Variants in KY observed in about 807,000 individuals in gnomAD.
The protein encoded by KY is kyphoscoliosis peptidase.
A neutral mutation model predicts 76.1 loss-of-function variants in KY; 43 were observed. That is an observed-to-expected ratio of 0.57 (90% confidence interval 0.44 to 0.73). The LOEUF is 0.73. Among genes scored for constraint, KY ranks in the 30% least tolerant of loss-of-function variants. The pLI is 0.00. For synonymous variants in KY, 277 were observed against 326.2 expected, an observed-to-expected ratio of 0.85 and a Z score of 1.63; for missense variants, 722 against 828.9, an observed-to-expected ratio of 0.87 and a Z score of 1.58.
intron 3 of KY, among the ~76,000 whole-genome samples, chr3:134,635,658 G>A (rs952589366): frequency 5.3e-5 from 8 of 152,144 alleles, no homozygotes; most frequent in Non-Finnish European, 1.5e-5. Flanking sequence ...AACCACCATA[G>A]TGGTGGTTTC....
In KY at chr3:134,603,430, C is replaced by T; in HGVS notation, c.*149G>A. On this transcript the variant is annotated 3_prime_UTR_variant, in exon 11 of 11. Transcript: ENST00000423778. The stretch of plus-strand genomic sequence containing the variant: ...CCTTCAGAACACAAAGATCACAGCT[C>T]CTGTGGCAGAGGTGGGACACTGAGG... 4 of 687,088 alleles carry T rather than the reference C, an allele frequency of 5.8e-6. No homozygotes were observed. The highest frequency in any genetic ancestry group is 9.6e-6 in the Non-Finnish European group (4 of 414,534). The allele number at this position is 687,088 out of a possible 1,614,324, so 42.6% of individuals were successfully genotyped here. A position where few individuals can be genotyped will look rare whatever the true frequency, so the allele number is the denominator to read the frequency against.
At chr3:134,650,784 G>T (rs1405220188) in intron 1 of KY, 41 bp downstream of exon 1, 1 of 1,520,994 alleles carries the variant, frequency 6.6e-7, no homozygotes, top group Non-Finnish European at 8.8e-7. Context: ...AGGAGGCCAA[G>T]GTGCCGGGGG....
At chr3:134,644,132 C>G (rs1435957110) in intron 2 of KY, among the ~76,000 whole-genome samples, 1 of 152,162 alleles carries the variant, frequency 6.6e-6, no homozygotes, top group Non-Finnish European at 1.5e-5. Context: ...GCCGAGCCTC[C>G]TGCTTCTTAA....
chr3:134,609,880 A>G (rs1960053881), intron 9 of KY, among the ~76,000 whole-genome samples: 1 of 152,214 alleles, frequency 6.6e-6, no homozygotes, highest in South Asian at 2.1e-4. Flanking sequence ...GCCAACAACT[A>G]AAGAAGGCTA....
chr3:134,627,899 T>C, intron 4 of KY, 81 bp from the exon 5 acceptor site: 1 of 1,133,852 alleles, frequency 8.8e-7, no homozygotes, highest in South Asian at 1.3e-5. Context: ...CTTCTGGTGG[T>C]CCTTGCTTTT....
At chr3:134,648,799 C>T (rs1577853061) in intron 1 of KY, among the ~76,000 whole-genome samples, 1 of 152,312 alleles carries the variant, frequency 6.6e-6, no homozygotes, top group East Asian at 1.9e-4. Context: ...TGCATTGCAA[C>T]AATAATTGAG....
At chr3:134,646,240 G>T (rs1966422048) in intron 2 of KY, among the ~76,000 whole-genome samples, 1 of 152,176 alleles carries the variant, frequency 6.6e-6, no homozygotes, top group Non-Finnish European at 1.5e-5. Flanking sequence ...AAGCTGGCAT[G>T]TCTACCAGCT....
In KY at chr3:134,620,688, G is replaced by C. The variant is rs549213524; in HGVS notation, c.592+61C>G. 4.1e-5 allele frequency: 49 copies of C among 1,186,634 alleles called. No individual in the cohort carries two copies. The African/African-American group carries it at 6.9e-4, about 17-fold the overall frequency. 73.5% of individuals were successfully genotyped at this position (1,186,634 alleles called of 1,614,324 possible). On this transcript the variant is annotated intron_variant, in intron 7 of 10. Transcript: ENST00000423778. ...ACACGTGAATAAGCTGATAGGAGCA[G>C]AGGCCTGCAGGGAATGGAAGCAAGG... is the stretch of plus-strand genomic sequence containing the variant.
chr3:134,626,038 C>A (rs182890295), intron 5 of KY, among the ~76,000 whole-genome samples: 3 of 152,380 alleles, frequency 2.0e-5, no homozygotes, highest in African/African-American at 4.8e-5. Context: ...GGACAGCAGA[C>A]CCCTGTCCCG....
At position 134,602,415 on chromosome 3, in the gene KY, G is replaced by A. The variant is rs1429625372; in HGVS notation, c.*1164C>T. Among the ~76,000 whole-genome samples the A allele has an allele frequency of 6.6e-6, 1 of 152,170 alleles. No homozygotes were observed. Among genetic ancestry groups the A allele is most frequent in the Non-Finnish European group, 1.5e-5 (1 of 68,014 alleles). ...ATGCAAGGTGAGACTGGAGGGGGCT[G>A]TCTTCTCAGAGAAGGGAGGAAAGGA... is the stretch of plus-strand genomic sequence containing the variant. On this transcript the variant is annotated 3_prime_UTR_variant, in exon 11 of 11. Transcript: ENST00000423778.
At chr3:134,635,493 TAAAA>T (rs10647203) in intron 3 of KY, among the ~76,000 whole-genome samples, 845 of 79,326 alleles carry the variant, frequency 0.011, 5 homozygotes, top group Middle Eastern at 0.02. Context: ...CGAGACTCTG[TAAAA>T]AAAAAAAAAA....
rs1962467347 is a variant in KY at position 134,620,770 on chromosome 3, T to C, written c.571A>G (p.Ile191Val). 6.2e-7 allele frequency: 1 copy of C among 1,613,668 alleles called. No individual in the cohort carries two copies. ...TDLERVRAIW[I>V]WICHHIEYDI... The stretch of plus-strand genomic sequence containing the variant: ...CTACCTATGTGATGGCAGATCCAGA[T>C]CCAGATGGCGCGGACCCTTTCCAGG... Residue 191 changes from isoleucine to valine, a missense_variant, in exon 7 of 11, where the codon ATC (isoleucine) becomes GTC (valine). Ile to Val is a conservative substitution (Grantham distance 29). Transcript: ENST00000423778.
intron 2 of KY, among the ~76,000 whole-genome samples, chr3:134,645,603 G>A (rs544032004): frequency 2.6e-5 from 4 of 152,338 alleles, no homozygotes; most frequent in South Asian, 2.1e-4. Context: ...GCATGCAAAC[G>A]TACCATTTGA....
chr3:134,642,797 C>T (rs946823690), intron 3 of KY, among the ~76,000 whole-genome samples: 21 of 152,212 alleles, frequency 1.4e-4, no homozygotes, highest in African/African-American at 4.8e-4. Context: ...TGAAGGTTAA[C>T]AGCTGAGGCC....
rs1366791250 is a variant in KY at position 134,635,814 on chromosome 3, T to C, written c.263-6119A>G. On this transcript the variant is annotated intron_variant, in intron 3 of 10. Transcript: ENST00000423778. Reference sequence around the variant, plus strand: ...AGAATTAAAACAAAAACTTGGATGATACAGAACGATATAAAGCAGAAAGTG... The same window carrying C: ...AGAATTAAAACAAAAACTTGGATGACACAGAACGATATAAAGCAGAAAGTG... 3.9e-5 allele frequency among the ~76,000 whole-genome samples: 6 copies of C among 152,298 alleles called. 1 individual carries two copies. The highest frequency in any genetic ancestry group is 1.4e-4 in the African/African-American group (6 of 41,576).
intron 2 of KY, 73 bp downstream of exon 2, chr3:134,647,362 A>G (rs1966561195): frequency 1.6e-6 from 2 of 1,219,304 alleles, no homozygotes; most frequent in Admixed American, 4.0e-5. Flanking sequence ...TCTTCAAATG[A>G]GTGAAACCCA....
intron 8 of KY, among the ~76,000 whole-genome samples, chr3:134,617,986 G>A (rs1961871522): frequency 6.6e-6 from 1 of 152,166 alleles, no homozygotes; most frequent in Non-Finnish European, 1.5e-5. Flanking sequence ...CAGGCAGCAG[G>A]AGGTATGCTT....
chr3:134,628,096 T>G lies in KY; in HGVS notation c.338-278A>C, dbSNP rs1033195061. On this transcript the variant is annotated intron_variant, in intron 4 of 10. Transcript: ENST00000423778. The stretch of plus-strand genomic sequence containing the variant: ...TAGTATTTGCTCTGACCTAACACTT[T>G]GGGTGATTCATTGGGTCCTCCTGGA... 6.5e-6 allele frequency: 3 copies of G among 460,704 alleles called. No individual in the cohort carries two copies. The Admixed American group carries it at 1.1e-4, about 17-fold the overall frequency. The allele number at this position is 460,704 out of a possible 1,614,324, so 28.5% of individuals were successfully genotyped here. A position where few individuals can be genotyped will look rare whatever the true frequency, so the allele number is the denominator to read the frequency against.
In KY at chr3:134,650,870, A is replaced by G. The variant is rs746619747; in HGVS notation, c.91T>C (p.Ser31Pro). Reference protein sequence around the residue: ...EKRRAAQGTLSDQQANPSSLL... With the variant: ...EKRRAAQGTLPDQQANPSSLL... ...GAGCTCGGGTTCGCCTGCTGGTCTG[A>G]GAGCGTACCCTGTGCGGCGCGCCGC... The change falls in exon 1 of 11, where the codon TCA (serine) becomes CCA (proline). Residue 31 changes from serine (S) to proline (P), a missense_variant. By Grantham distance (74) the Ser-to-Pro change is moderately conservative. This residue lies in a region of KY where 170 missense variants were observed against 148.1 expected (regional missense o/e 1.15). Coordinates refer to ENST00000423778, the MANE Select transcript of KY (RefSeq NM_178554.6). The G allele has an allele frequency of 3.7e-6, 6 of 1,612,076 alleles. No individual in the cohort carries two copies. In the Admixed American group the frequency reaches 8.3e-5, roughly 22 times the overall value.
Sources: allele counts gnomAD v4.1 joint callset (sites outside exome capture counted in the v4.1 genomes callset), GRCh38; gene constraint gnomAD v4.1.1; regional missense constraint gnomAD v4.1.1; transcripts MANE v1.5; gene names NCBI Gene and HGNC (gene_info 2026-07-23, HGNC 2026-07-21).